Variants in TUSC3 observed in about 807,000 individuals in gnomAD.
TUSC3 encodes tumor suppressor candidate 3.
Under a neutral mutation model 44.8 loss-of-function variants are expected in TUSC3, and 45 were observed. The observed-to-expected ratio is 1.00, with a 90% CI of 0.79 to 1.29. The LOEUF is 1.29. Among genes scored for constraint, TUSC3 ranks in the 50% most tolerant of loss-of-function variants. TUSC3 has a pLI of 0.00. For missense variants in TUSC3, 519 were observed against 437.9 expected (o/e 1.19, Z -1.65); for synonymous variants, 212 against 152.9 (o/e 1.39, Z -2.85).
intron 1 of TUSC3, among the ~76,000 whole-genome samples, chr8:15,565,036 A>C (rs544191520): frequency 6.6e-6 from 1 of 152,208 alleles, no homozygotes; most frequent in East Asian, 1.9e-4. Context: ...AATTATCACA[A>C]ATTTAGAGGC....
chr8:15,523,708 G>GTATATATATATATA lies in TUSC3; in HGVS notation n.189+40230_189+40243dup, dbSNP rs71211051. Among the ~76,000 whole-genome samples the GTATATATATATATA allele has an allele frequency of 4.4e-5, 5 of 112,486 alleles. 1 individual carries two copies. Among genetic ancestry groups the GTATATATATATATA allele is most frequent in the African/African-American group, 2.0e-4 (5 of 25,526 alleles). 73.8% of individuals were successfully genotyped at this position (112,486 alleles called of 152,430 possible). ...TGTGTGTGTGTGTGTGTGTGTGTGT[G>GTATATATATATATA]TATATATATATATATATAAAGTAGT... On this transcript the variant is annotated intron_variant and non_coding_transcript_variant, in intron 2 of 5. Coordinates refer to the TUSC3 transcript ENST00000503191.
intron 2 of TUSC3, among the ~76,000 whole-genome samples, chr8:15,503,575 A>G (rs1378294559): frequency 1.3e-5 from 2 of 152,124 alleles, no homozygotes; most frequent in Admixed American, 1.3e-4. Flanking sequence ...ATGGTGGCTC[A>G]CACCTGTAGC....
chr8:15,490,279 G>A (rs2129125717), intron 2 of TUSC3, among the ~76,000 whole-genome samples: 1 of 152,302 alleles, frequency 6.6e-6, no homozygotes, highest in Non-Finnish European at 1.5e-5. Context: ...AGGAGACAGA[G>A]TCACATCCAA....
At chr8:15,561,992 C>G (rs1585103162) in intron 1 of TUSC3, among the ~76,000 whole-genome samples, 1 of 152,192 alleles carries the variant, frequency 6.6e-6, no homozygotes, top group Non-Finnish European at 1.5e-5. Context: ...GAGCTGTAGA[C>G]AGGAGCTGTT....
chr8:15,478,556 C>T (rs911288441), intron 1 of TUSC3, among the ~76,000 whole-genome samples: 4 of 152,156 alleles, frequency 2.6e-5, no homozygotes, highest in Non-Finnish European at 4.4e-5. Context: ...TGTTAGTTTG[C>T]TGAGGACAAT....
intron 1 of TUSC3, among the ~76,000 whole-genome samples, chr8:15,479,387 G>C (rs1404797064): frequency 6.6e-6 from 1 of 152,070 alleles, no homozygotes; most frequent in Non-Finnish European, 1.5e-5. Context: ...GTATTGCCTA[G>C]ATTTTCTTCT....
chr8:15,812,803 A>C, the TUSC3 span, among the ~76,000 whole-genome samples: 2 of 152,166 alleles, frequency 1.3e-5, no homozygotes, highest in South Asian at 4.1e-4. Context: ...ATATGAAGAA[A>C]GAAAAAAATG....
the TUSC3 span, among the ~76,000 whole-genome samples, chr8:15,846,252 T>C: frequency 6.6e-6 from 1 of 152,194 alleles, no homozygotes; most frequent in African/African-American, 2.4e-5. Context: ...AACACTGAGA[T>C]TCTTGCATTT....
At chr8:15,822,022 A>T in the TUSC3 span, among the ~76,000 whole-genome samples, 1 of 152,196 alleles carries the variant, frequency 6.6e-6, no homozygotes, top group African/African-American at 2.4e-5. Flanking sequence ...GAGTAATAAG[A>T]TGTAGCCATT....
chr8:15,678,247 C>T (rs1450490604), intron 6 of TUSC3, among the ~76,000 whole-genome samples: 1 of 152,118 alleles, frequency 6.6e-6, no homozygotes, highest in African/African-American at 2.4e-5. Flanking sequence ...CACTGGTGGA[C>T]TTTGTCTGTC....
At chr8:15,567,144 C>G (rs1018486171) in intron 1 of TUSC3, among the ~76,000 whole-genome samples, 5 of 152,066 alleles carry the variant, frequency 3.3e-5, no homozygotes, top group African/African-American at 1.2e-4. Context: ...TAGACTTGAG[C>G]CAGATCCAAG....
chr8:15,796,823 G>A, the TUSC3 span, among the ~76,000 whole-genome samples: 10 of 152,312 alleles, frequency 6.6e-5, no homozygotes, highest in East Asian at 1.9e-3. Context: ...GCCAAGGCTC[G>A]GTGGGCCCTT....
chr8:15,627,142 G>A (rs1296519134), intron 2 of TUSC3, among the ~76,000 whole-genome samples: 1 of 152,210 alleles, frequency 6.6e-6, no homozygotes, highest in East Asian at 1.9e-4. Flanking sequence ...ACAAAGAGAT[G>A]GCTAGCTGCA....
intron 6 of TUSC3, among the ~76,000 whole-genome samples, chr8:15,722,160 G>A (rs1810326729): frequency 6.6e-6 from 1 of 151,822 alleles, no homozygotes; most frequent in Admixed American, 6.6e-5. Flanking sequence ...GTTTTTGTTG[G>A]CTGACTTTCT....
intron 2 of TUSC3, among the ~76,000 whole-genome samples, chr8:15,516,557 G>A (rs1427090983): frequency 6.6e-6 from 1 of 152,080 alleles, no homozygotes; most frequent in East Asian, 1.9e-4. Flanking sequence ...AATTAATGTA[G>A]GTAAGTTTAT....
At chr8:15,762,746 T>TG (rs1812210721) in intron 10 of TUSC3, among the ~76,000 whole-genome samples, 2 of 152,064 alleles carry the variant, frequency 1.3e-5, no homozygotes, top group African/African-American at 4.8e-5. Flanking sequence ...GATGATGGCT[T>TG]GTGTGTGCTA....
At position 15,764,197 on chromosome 8, in the gene TUSC3, T is replaced by C. The variant is rs1176286131; in HGVS notation, c.*47-6T>C. 1.2e-6 allele frequency: 2 copies of C among 1,604,622 alleles called. No individual in the cohort carries two copies. Among genetic ancestry groups the C allele is most frequent in the African/African-American group, 2.7e-5 (2 of 74,626 alleles). On this transcript the variant is annotated splice_polypyrimidine_tract_variant and splice_region_variant and intron_variant, in intron 10 of 10. Transcript: ENST00000503731. ...TCAGCACATAATAATTTTCTTTCTT[T>C]TTCAGCTTTTTAATTAAATGAAGCC...
intron 1 of TUSC3, among the ~76,000 whole-genome samples, chr8:15,435,147 C>G (rs1799929725): frequency 6.7e-6 from 1 of 149,720 alleles, no homozygotes; most frequent in Admixed American, 6.6e-5. Context: ...TTTACAGTCC[C>G]ACCAACATTG....
chr8:15,418,489 C>T (rs1344288607), intron 1 of TUSC3, among the ~76,000 whole-genome samples: 1 of 152,050 alleles, frequency 6.6e-6, no homozygotes, highest in African/African-American at 2.4e-5. Flanking sequence ...TGTCATTAAT[C>T]CCACAGGGCT....
Sources: allele counts gnomAD v4.1 joint callset (sites outside exome capture counted in the v4.1 genomes callset), GRCh38; gene constraint gnomAD v4.1.1; transcripts MANE v1.5; gene names NCBI Gene and HGNC (gene_info 2026-07-23, HGNC 2026-07-21).